The following NPAS3 variants were observed in gnomAD, a reference collection of about 807,000 sequenced individuals.
The protein encoded by NPAS3 is neuronal PAS domain-containing protein 3.
NPAS3 carries 14 observed loss-of-function variants against 73.1 expected under a neutral mutation model. The ratio of observed to expected loss-of-function variants is 0.19; its 90% CI spans 0.13 to 0.30. The LOEUF (loss-of-function observed/expected upper bound fraction) is 0.30. Ranked by LOEUF, NPAS3 falls within the 10% of genes least tolerant of loss-of-function variation. The pLI is 1.00. For missense variants in NPAS3, 1,096 were observed against 1,250.0 expected (o/e 0.88, Z 1.86); for synonymous variants, 620 against 541.5 (o/e 1.14, Z -2.01).
chr14:33,496,546 A>C (rs1422971985), intron 4 of NPAS3, among the ~76,000 whole-genome samples: 1 of 152,218 alleles, frequency 6.6e-6, no homozygotes, highest in Non-Finnish European at 1.5e-5. Context: ...CTGGTTCAAC[A>C]TACTCAAATA....
intron 3 of NPAS3, among the ~76,000 whole-genome samples, chr14:33,266,513 T>C (rs910610321): frequency 1.3e-5 from 2 of 152,280 alleles, no homozygotes; most frequent in African/African-American, 4.8e-5. Context: ...GGAACTTACA[T>C]AGATGAAGTA....
chr14:33,607,605 G>A lies in NPAS3; in HGVS notation c.558+47395G>A, dbSNP rs547772354. Among the ~76,000 whole-genome samples the A allele has an allele frequency of 9.9e-5, 15 of 152,222 alleles. No homozygotes were observed. The South Asian group carries it at 2.3e-3, about 23-fold the overall frequency. On this transcript the variant is annotated intron_variant, in intron 5 of 11. Transcript: ENST00000356141. ...GTTTGTGATTGTATAGAGGCTTCACGGGTGCATTAATATGTCAAAACCTGT... is the reference window on the plus strand; with the variant it reads ...GTTTGTGATTGTATAGAGGCTTCACAGGTGCATTAATATGTCAAAACCTGT...
chr14:33,453,901 G>T (rs1279879592), intron 4 of NPAS3, among the ~76,000 whole-genome samples: 4 of 152,170 alleles, frequency 2.6e-5, no homozygotes, highest in African/African-American at 9.7e-5. Flanking sequence ...CGTTAGCCAG[G>T]CCGGTCTCAA....
intron 5 of NPAS3, among the ~76,000 whole-genome samples, chr14:33,618,404 C>A (rs535740165): frequency 6.6e-6 from 1 of 152,284 alleles, no homozygotes; most frequent in South Asian, 2.1e-4. Flanking sequence ...ACAGAATCAT[C>A]AGGCACTAGA....
chr14:33,310,790 TACACAC>T (rs57506320), intron 3 of NPAS3, among the ~76,000 whole-genome samples: 42,691 of 141,960 alleles, frequency 0.3, 6,230 homozygotes, highest in Middle Eastern at 0.35. Context: ...AAATGTATGG[TACACAC>T]ACACACACAC....
At chr14:33,327,270 G>T in intron 3 of NPAS3, among the ~76,000 whole-genome samples, 1 of 152,140 alleles carries the variant, frequency 6.6e-6, no homozygotes, top group East Asian at 1.9e-4. Context: ...TTGAGTGCAT[G>T]CTATGTACGA....
At chr14:33,460,526 A>G (rs1212980337) in intron 4 of NPAS3, among the ~76,000 whole-genome samples, 1 of 152,216 alleles carries the variant, frequency 6.6e-6, no homozygotes, top group East Asian at 1.9e-4. Flanking sequence ...CTTCCCAAAA[A>G]TATATGTATC....
At chr14:33,672,906 T>G (rs774872919) in intron 5 of NPAS3, among the ~76,000 whole-genome samples, 1 of 152,230 alleles carries the variant, frequency 6.6e-6, no homozygotes, top group Non-Finnish European at 1.5e-5. Flanking sequence ...GGCTCTAAAA[T>G]TTAAATGAAA....
At chr14:33,627,457 C>T (rs2058253795) in intron 5 of NPAS3, among the ~76,000 whole-genome samples, 1 of 152,136 alleles carries the variant, frequency 6.6e-6, no homozygotes, top group Non-Finnish European at 1.5e-5. Flanking sequence ...TAAGTTCTAT[C>T]AGTGATCTTG....
At chr14:33,069,924 CATTGTG>C (rs1348704992) in intron 2 of NPAS3, among the ~76,000 whole-genome samples, 2 of 152,124 alleles carry the variant, frequency 1.3e-5, no homozygotes, top group African/African-American at 4.8e-5. Context: ...CAGAGAATTG[CATTGTG>C]ATTAGTCTGA....
chr14:33,350,744 G>A (rs771796644), intron 3 of NPAS3, among the ~76,000 whole-genome samples: 3 of 152,118 alleles, frequency 2.0e-5, no homozygotes, highest in East Asian at 1.9e-4. Context: ...AATGCTTTGC[G>A]GCTAATAAAA....
chr14:33,613,688 G>C (rs1323231005), intron 5 of NPAS3, among the ~76,000 whole-genome samples: 1 of 152,104 alleles, frequency 6.6e-6, no homozygotes, highest in South Asian at 2.1e-4. Context: ...CTCATCCTTC[G>C]CACCCTCCTC....
chr14:33,528,645 C>A (rs2053908994), intron 4 of NPAS3, among the ~76,000 whole-genome samples: 1 of 152,006 alleles, frequency 6.6e-6, no homozygotes, highest in Admixed American at 6.6e-5. Context: ...CCTGCTTAAC[C>A]AGGCTGCGAA....
intron 2 of NPAS3, among the ~76,000 whole-genome samples, chr14:33,168,805 T>C (rs1461480332): frequency 2.6e-5 from 4 of 152,188 alleles, no homozygotes; most frequent in East Asian, 1.9e-4. Flanking sequence ...GTCCCAACCA[T>C]GATTTTTCTG....
intron 3 of NPAS3, among the ~76,000 whole-genome samples, chr14:33,353,335 C>T (rs1232033059): frequency 6.6e-6 from 1 of 152,114 alleles, no homozygotes; most frequent in Non-Finnish European, 1.5e-5. Flanking sequence ...GCAATACTTG[C>T]CTGTGGGTAT....
intron 6 of NPAS3, among the ~76,000 whole-genome samples, chr14:33,726,481 C>T (rs906204791): frequency 1.1e-4 from 17 of 152,128 alleles, no homozygotes; most frequent in African/African-American, 3.4e-4. Context: ...ATCATGAGCA[C>T]GGAGATGGGC....
chr14:33,088,991 A>G (rs2042129151), intron 2 of NPAS3, among the ~76,000 whole-genome samples: 1 of 149,752 alleles, frequency 6.7e-6, no homozygotes, highest in Non-Finnish European at 1.5e-5. Context: ...AAACTAACAA[A>G]CAGAAAGGAC....
chr14:33,751,515 A>T (rs2061962784), intron 7 of NPAS3, among the ~76,000 whole-genome samples: 2 of 152,220 alleles, frequency 1.3e-5, no homozygotes, highest in Non-Finnish European at 2.9e-5. Context: ...TGCATCAGAG[A>T]TACAAAGCAC....
At chr14:33,772,849 A>AAAGCGAGG (rs1184937344) in intron 7 of NPAS3, among the ~76,000 whole-genome samples, 46 of 152,232 alleles carry the variant, frequency 3.0e-4, no homozygotes, top group African/African-American at 1.1e-3. Context: ...TGCATTAAGT[A>AAAGCGAGG]TGAATTTAGT....
Sources: allele counts gnomAD v4.1 joint callset (sites outside exome capture counted in the v4.1 genomes callset), GRCh38; gene constraint gnomAD v4.1.1; transcripts MANE v1.5; gene names NCBI Gene and HGNC (gene_info 2026-07-23, HGNC 2026-07-21).